Variants in GALNT13 observed in about 807,000 individuals in gnomAD.
The protein encoded by GALNT13 is UDP-GalNAc:polypeptide N-acetylgalactosaminyltransferase 13.
GALNT13 carries 28 observed loss-of-function variants against 64.2 expected under a neutral mutation model. The observed-to-expected ratio is 0.44, with a 90% confidence interval of 0.32 to 0.60. GALNT13 has a LOEUF of 0.60. Among genes scored for constraint, GALNT13 ranks in the 20% least tolerant of loss-of-function variants. The probability of loss-of-function intolerance (pLI) is 0.05; values close to 1 mark genes in which losing one functional copy is unlikely to be tolerated. For synonymous variants in GALNT13, 214 were observed against 224.6 expected, an observed-to-expected ratio of 0.95 and a Z score of 0.42; for missense variants, 577 against 669.8, an observed-to-expected ratio of 0.86 and a Z score of 1.53.
the GALNT13 span, among the ~76,000 whole-genome samples, chr2:153,454,755 A>T: frequency 1.3e-5 from 2 of 152,208 alleles, no homozygotes; most frequent in Admixed American, 6.5e-5. Flanking sequence ...TTGAATGAAA[A>T]GTATGTCAAG....
intron 3 of GALNT13, among the ~76,000 whole-genome samples, chr2:153,989,606 T>G (rs1182095631): frequency 6.6e-6 from 1 of 151,874 alleles, no homozygotes; most frequent in Non-Finnish European, 1.5e-5. Flanking sequence ...GTGGATTACG[T>G]AAGGAAAGGT....
chr2:153,849,314 A>G, the GALNT13 span, among the ~76,000 whole-genome samples: 2 of 152,222 alleles, frequency 1.3e-5, no homozygotes, highest in African/African-American at 2.4e-5. Flanking sequence ...CTGAATAGTG[A>G]AATACCTAGT....
the GALNT13 span, among the ~76,000 whole-genome samples, chr2:153,508,854 T>A: frequency 6.6e-6 from 1 of 152,214 alleles, no homozygotes; most frequent in African/African-American, 2.4e-5. Flanking sequence ...GACTCCTATC[T>A]GCCATCTTCC....
the GALNT13 span, among the ~76,000 whole-genome samples, chr2:153,746,688 G>C: frequency 6.6e-6 from 1 of 152,094 alleles, no homozygotes; most frequent in Admixed American, 6.6e-5. Flanking sequence ...TTAAATTTTA[G>C]TGGAAGCTGC....
At chr2:153,542,829 C>G in the GALNT13 span, among the ~76,000 whole-genome samples, 1 of 152,108 alleles carries the variant, frequency 6.6e-6, no homozygotes, top group Non-Finnish European at 1.5e-5. Context: ...AGCATGAATT[C>G]GACTTCTACC....
At chr2:154,177,074 C>A (rs149877500) in intron 4 of GALNT13, among the ~76,000 whole-genome samples, 23 of 152,170 alleles carry the variant, frequency 1.5e-4, no homozygotes, top group Non-Finnish European at 2.8e-4. Flanking sequence ...TAATGTTCAA[C>A]AACAATAACT....
At chr2:154,295,370 T>TTATTTATTTATTTATG (rs2105970168) in intron 8 of GALNT13, among the ~76,000 whole-genome samples, 1 of 150,716 alleles carries the variant, frequency 6.6e-6, no homozygotes, top group South Asian at 2.1e-4. Context: ...ATTTATTTAT[T>TTATTTATTTATTTATG]TATTTATTTT....
At chr2:154,324,995 A>G (rs769037987) in intron 9 of GALNT13, among the ~76,000 whole-genome samples, 91 of 152,018 alleles carry the variant, frequency 6.0e-4, no homozygotes, top group Non-Finnish European at 2.2e-4. Flanking sequence ...TTGTTTGTTC[A>G]TGGGAGACCC....
At chr2:153,253,408 C>T in the GALNT13 span, among the ~76,000 whole-genome samples, 2 of 111,334 alleles carry the variant, frequency 1.8e-5, no homozygotes. Flanking sequence ...ATCGTGTCAT[C>T]TGCAAACAGG....
the GALNT13 span, among the ~76,000 whole-genome samples, chr2:153,124,355 A>G: frequency 6.6e-6 from 1 of 152,248 alleles, no homozygotes; most frequent in Non-Finnish European, 1.5e-5. Context: ...GTTTTAAGCC[A>G]CTAAGTTTTG....
the GALNT13 span, among the ~76,000 whole-genome samples, chr2:153,454,112 G>C: frequency 0.035 from 5,319 of 152,202 alleles, 327 homozygotes; most frequent in African/African-American, 0.12. Context: ...CACTATTAGA[G>C]GGGTCTAGTA....
the GALNT13 span, among the ~76,000 whole-genome samples, chr2:153,150,323 GT>G: frequency 0.61 from 91,909 of 151,562 alleles, 28,820 homozygotes; most frequent in African/African-American, 0.77. Context: ...GGGGTTGTTT[GT>G]TTTTTTTCTT....
chr2:154,439,626 T>A (rs1706180060), intron 12 of GALNT13, among the ~76,000 whole-genome samples: 1 of 152,200 alleles, frequency 6.6e-6, no homozygotes, highest in Non-Finnish European at 1.5e-5. Context: ...TAAAAACCAA[T>A]CTACAGAGTT....
At chr2:154,037,366 A>G (rs146152179) in intron 3 of GALNT13, among the ~76,000 whole-genome samples, 1 of 152,214 alleles carries the variant, frequency 6.6e-6, no homozygotes, top group East Asian at 1.9e-4. Context: ...AATAAAGGCT[A>G]TATATAACAA....
intron 3 of GALNT13, among the ~76,000 whole-genome samples, chr2:154,000,330 A>G (rs1695820558): frequency 6.6e-6 from 1 of 151,350 alleles, no homozygotes; most frequent in South Asian, 2.1e-4. Flanking sequence ...GATATTTGTT[A>G]TTTCTTCCCT....
intron 9 of GALNT13, among the ~76,000 whole-genome samples, chr2:154,335,266 G>A (rs1329475065): frequency 6.6e-6 from 1 of 151,836 alleles, no homozygotes; most frequent in Non-Finnish European, 1.5e-5. Context: ...ACAGCAAAAG[G>A]CATTATTAAT....
chr2:154,184,278 G>A (rs1686128590), intron 4 of GALNT13, among the ~76,000 whole-genome samples: 1 of 151,798 alleles, frequency 6.6e-6, no homozygotes, highest in African/African-American at 2.4e-5. Context: ...TTTACCCTTT[G>A]CTTTCAACCT....
intron 3 of GALNT13, among the ~76,000 whole-genome samples, chr2:154,130,706 T>A (rs1019403374): frequency 6.6e-6 from 1 of 152,184 alleles, no homozygotes; most frequent in Non-Finnish European, 1.5e-5. Context: ...AAAATATATG[T>A]CCACTTCCTA....
the GALNT13 span, among the ~76,000 whole-genome samples, chr2:153,129,342 C>A: frequency 2.6e-5 from 4 of 152,154 alleles, no homozygotes; most frequent in African/African-American, 9.6e-5. Context: ...CTGGCAAAAC[C>A]AAAAGTCCCA....
Sources: gnomAD v4.1 joint callset for allele counts (sites outside exome capture counted in the v4.1 genomes callset) on GRCh38, gnomAD v4.1.1 for gene constraint, MANE v1.5 for transcripts, NCBI Gene and HGNC (gene_info 2026-07-23, HGNC 2026-07-21) for gene names.